The following CNTNAP3 variants were observed in gnomAD, a reference collection of about 807,000 sequenced individuals.
The protein encoded by CNTNAP3 is contactin associated protein family member 3.
Under a neutral mutation model 92.1 loss-of-function variants are expected in CNTNAP3, and 36 were observed. The observed-to-expected ratio is 0.39, with a 90% CI of 0.30 to 0.52. CNTNAP3 has a LOEUF of 0.52. Among genes scored for constraint, CNTNAP3 ranks in the 20% least tolerant of loss-of-function variants. The pLI is 0.76. For synonymous variants in CNTNAP3, 232 were observed against 422.3 expected (o/e 0.55, Z 5.53); for missense variants, 534 against 1,069.6 (o/e 0.50, Z 6.98).
At chr9:39,149,594 G>A (rs1449972672) in intron 10 of CNTNAP3, among the ~76,000 whole-genome samples, 1 of 151,504 alleles carries the variant, frequency 6.6e-6, no homozygotes, top group African/African-American at 2.4e-5. Flanking sequence ...CTGATCTCGT[G>A]ATCCGCCAGC....
chr9:39,112,742 A>AT (rs201431770), intron 14 of CNTNAP3, among the ~76,000 whole-genome samples: 2,169 of 152,250 alleles, frequency 0.014, 59 homozygotes, highest in African/African-American at 0.048. Context: ...CACTTAAAAA[A>AT]TTTCTAGATT....
intron 16 of CNTNAP3, among the ~76,000 whole-genome samples, chr9:39,103,407 C>A (rs1357435805): frequency 6.6e-6 from 1 of 152,056 alleles, no homozygotes; most frequent in African/African-American, 2.4e-5. Flanking sequence ...CATGGGAAAA[C>A]CCCACCTCTA....
At chr9:39,118,303 A>G (rs376326456) in intron 13 of CNTNAP3, 44 bp from the exon 14 acceptor site, 1 of 1,611,714 alleles carries the variant, frequency 6.2e-7, no homozygotes, top group East Asian at 2.2e-5. Flanking sequence ...TTTGTCCCTC[A>G]CTACCACCCT....
chr9:39,077,273 CT>C (rs1333203179), intron 23 of CNTNAP3, among the ~76,000 whole-genome samples: 4 of 152,030 alleles, frequency 2.6e-5, no homozygotes, highest in African/African-American at 9.7e-5. Flanking sequence ...TAATGTGTGC[CT>C]TTAAAACTTC....
chr9:39,088,969 C>T (rs1307472913), intron 18 of CNTNAP3, among the ~76,000 whole-genome samples: 3 of 152,240 alleles, frequency 2.0e-5, no homozygotes, highest in Non-Finnish European at 4.4e-5. Flanking sequence ...GGTGACTTAT[C>T]TCATCTTTGG....
Position 39,140,534 on chromosome 9 carries a change from A to C in CNTNAP3, c.1861T>G (p.Tyr621Asp). The stretch of plus-strand genomic sequence containing the variant: ...ATCAACATACCTGTCATATTGCAGT[A>C]CACAAGAAATGGTCCCAGGGGGCCA... ...GSGPLGPFLV[Y>D]CNMTADAAWT... is the part of the protein sequence containing the mutation. The change falls in exon 12 of 24, where the codon TAC (tyrosine) becomes GAC (aspartate). Residue 621 changes from tyrosine to aspartate, a missense_variant. Coordinates refer to ENST00000297668, the MANE Select transcript of CNTNAP3 (RefSeq NM_033655.5). 6.2e-7 allele frequency: 1 copy of C among 1,613,814 alleles called. No individual in the cohort carries two copies. The highest frequency in any genetic ancestry group is 8.5e-7 in the Non-Finnish European group (1 of 1,179,802).
chr9:39,121,225 T>A (rs1405580378), intron 13 of CNTNAP3, among the ~76,000 whole-genome samples: 1 of 151,540 alleles, frequency 6.6e-6, no homozygotes, highest in Admixed American at 6.6e-5. Flanking sequence ...AAAAATACAC[T>A]CTGCAAAAAT....
In CNTNAP3 at chr9:39,066,035, CTT is replaced by C. The variant is rs1346808269; in HGVS notation, c.*7853_*7854del. Among the ~76,000 whole-genome samples, 1 of 152,194 alleles carries C rather than the reference CTT, an allele frequency of 6.6e-6. No homozygotes were observed. The highest frequency in any genetic ancestry group is 1.5e-5 in the Non-Finnish European group (1 of 68,020). ...ATTTGTCCCATTTGTTCTTTGTCCTCTTTCTCATCTTTTTTGTCTACTTTCAA... is the reference window on the plus strand; with the variant it reads ...ATTTGTCCCATTTGTTCTTTGTCCTCTCTCATCTTTTTTGTCTACTTTCAA... On this transcript the variant is annotated 3_prime_UTR_variant, in exon 24 of 24. Coordinates refer to ENST00000297668, the MANE Select transcript of CNTNAP3 (RefSeq NM_033655.5).
chr9:39,115,565 G>C (rs1820836707), intron 14 of CNTNAP3, among the ~76,000 whole-genome samples: 2 of 137,276 alleles, frequency 1.5e-5, no homozygotes, highest in South Asian at 2.3e-4. Context: ...TGGTCTTACT[G>C]TTGGATAGAC....
intron 3 of CNTNAP3, among the ~76,000 whole-genome samples, chr9:39,202,200 T>C (rs1822542292): frequency 3.1e-5 from 1 of 32,268 alleles, no homozygotes; most frequent in African/African-American, 5.0e-5. Context: ...GAACAATAAC[T>C]TCATCTCTAA....
chr9:39,168,348 T>C lies in CNTNAP3; in HGVS notation c.1334-2272A>G, dbSNP rs1822211520. 2.0e-5 allele frequency among the ~76,000 whole-genome samples: 3 copies of C among 148,598 alleles called. No homozygotes were observed. In the Admixed American group the frequency reaches 2.0e-4, roughly 10 times the overall value. On this transcript the variant is annotated intron_variant, in intron 8 of 23. Transcript: ENST00000297668. The stretch of plus-strand genomic sequence containing the variant: ...TTGAATTCTTTTACCACCCTGTGAA[T>C]TGTAGAAAATTGAAAGCAGGCAAAT...
chr9:39,141,386 T>C (rs1206127333), intron 11 of CNTNAP3, among the ~76,000 whole-genome samples: 1 of 152,150 alleles, frequency 6.6e-6, no homozygotes, highest in East Asian at 1.9e-4. Flanking sequence ...AAGAGATAAA[T>C]AGAATTTATA....
Position 39,087,676 on chromosome 9 carries a change from T to C in CNTNAP3, c.3220+747A>G, listed in dbSNP as rs945503694. On this transcript the variant is annotated intron_variant, in intron 19 of 23. Coordinates refer to ENST00000297668, the MANE Select transcript of CNTNAP3 (RefSeq NM_033655.5). ...TCATTTTTTGTATTTTTAGTAGAGA[T>C]GGGGTTTCACTGTGTTAGCCAGGAT... Among the ~76,000 whole-genome samples, 73 of 152,110 alleles carry C rather than the reference T, an allele frequency of 4.8e-4. 1 individual carries two copies. Among genetic ancestry groups the C allele is most frequent in the Middle Eastern group, 3.4e-3 (1 of 294 alleles).
chr9:39,131,592 G>A (rs1821294847), intron 13 of CNTNAP3, among the ~76,000 whole-genome samples: 2 of 151,944 alleles, frequency 1.3e-5, no homozygotes, highest in African/African-American at 4.8e-5. Flanking sequence ...TTGGGAGGCT[G>A]AGGCGGGCGG....
intron 18 of CNTNAP3, among the ~76,000 whole-genome samples, chr9:39,094,323 C>T (rs1826280179): frequency 1.3e-5 from 2 of 151,450 alleles, no homozygotes; most frequent in Non-Finnish European, 3.0e-5. Context: ...TTTTTACTCT[C>T]TTGATAGTGT....
intron 13 of CNTNAP3, among the ~76,000 whole-genome samples, chr9:39,121,945 G>T (rs1821033018): frequency 6.6e-6 from 1 of 152,122 alleles, no homozygotes; most frequent in African/African-American, 2.4e-5. Context: ...CCCAGCACCA[G>T]CCCCCTCTAC....
intron 9 of CNTNAP3, among the ~76,000 whole-genome samples, chr9:39,152,803 G>C (rs1188076354): frequency 8.0e-6 from 1 of 124,868 alleles, no homozygotes; most frequent in African/African-American, 3.6e-5. Flanking sequence ...CTACAGGCAC[G>C]CGCCACCACA....
chr9:39,106,903 T>C (rs1481612972), intron 15 of CNTNAP3, among the ~76,000 whole-genome samples: 1 of 152,130 alleles, frequency 6.6e-6, no homozygotes, highest in Non-Finnish European at 1.5e-5. Context: ...CATTTAATAA[T>C]TCTTGAAGAT....
intron 15 of CNTNAP3, among the ~76,000 whole-genome samples, chr9:39,106,198 G>A (rs1327062533): frequency 1.3e-5 from 2 of 152,188 alleles, no homozygotes; most frequent in Non-Finnish European, 2.9e-5. Context: ...AGAAAACAGA[G>A]ATGAAGATAA....
Sources: allele counts gnomAD v4.1 joint callset (sites outside exome capture counted in the v4.1 genomes callset), GRCh38; gene constraint gnomAD v4.1.1; transcripts MANE v1.5; gene names NCBI Gene and HGNC (gene_info 2026-07-23, HGNC 2026-07-21).